Variants in VMO1 observed in about 807,000 individuals in gnomAD.
VMO1 encodes the protein vitelline membrane outer layer 1 homolog, also known as vitelline membrane outer layer protein 1 homolog.
In VMO1, 13 loss-of-function variants were observed where a neutral mutation model predicts 10.1. That is an observed-to-expected ratio of 1.29 (90% CI 0.84 to 2.05). The LOEUF (loss-of-function observed/expected upper bound fraction) is 2.05, where lower values mean the gene tolerates loss of function less well. Among genes scored for constraint, VMO1 ranks in the 30% most tolerant of loss-of-function variants. VMO1 has a pLI of 0.00. For synonymous variants in VMO1, 117 were observed against 122.2 expected (o/e 0.96, Z 0.28); for missense variants, 304 against 276.9 (o/e 1.10, Z -0.70).
Position 4,786,297 on chromosome 17 carries a change from G to T in VMO1, c.56C>A (p.Thr19Asn). 1 of 1,607,900 alleles carries T rather than the reference G, an allele frequency of 6.2e-7. No individual in the cohort carries two copies. The highest frequency in any genetic ancestry group is 8.5e-7 in the Non-Finnish European group (1 of 1,179,462). ...ATCTGTCTGTGCACATGTGAAACCA[G>T]TCGCCCGCAGAAGCAGCAGCAGCGG... ...LLPLLLLLRA[T>N]GFTCAQTDGR... The change falls in exon 1 of 3, where the codon ACT becomes AAT. Residue 19 changes from threonine (T) to asparagine (N), a missense_variant. Coordinates refer to ENST00000328739, the MANE Select transcript of VMO1 (RefSeq NM_182566.3).
intron 2 of VMO1, 101 bp from the exon 3 acceptor site, chr17:4,785,760 G>A: frequency 6.6e-7 from 1 of 1,509,960 alleles, no homozygotes; most frequent in Non-Finnish European, 8.9e-7. Context: ...TGGTGGGCTG[G>A]GTGCTCCCCG....
rs745668576 is a variant in VMO1, at chr17:4,785,640, G to A, written c.331C>T (p.Pro111Ser). 6.2e-7 allele frequency: 1 copy of A among 1,611,066 alleles called. No homozygotes were observed. Among genetic ancestry groups the A allele is most frequent in the Non-Finnish European group, 8.5e-7 (1 of 1,179,776 alleles). The stretch of plus-strand genomic sequence containing the variant: ...TAGGCGCCGCCGCGACACCACAGCG[G>A]CTCACTCCATTCGCCCCAGCTGCAA... Reference protein sequence around the residue: ...QSGSWGEWSEPLWCRGGAYLV... With the variant: ...QSGSWGEWSESLWCRGGAYLV... The change falls in exon 3 of 3, where the codon CCG becomes TCG. Residue 111 changes from proline (P) to serine (S), a missense_variant. Transcript: ENST00000328739.
intron 1 of VMO1, 35 bp from the exon 2 acceptor site, chr17:4,786,087 G>A (rs764022455): frequency 6.2e-6 from 10 of 1,613,790 alleles, no homozygotes; most frequent in Non-Finnish European, 6.8e-6. Context: ...GGCGAGTCAC[G>A]GAATTATCAT....
At position 4,786,269 on chromosome 17, in the gene VMO1, G is replaced by T. The variant is rs765941670; in HGVS notation, c.84C>A (p.Gly28=). Residue 28 remains glycine, a synonymous_variant, in exon 1 of 3, where the codon GGC becomes GGA. Transcript: ENST00000328739. ...ATGFTCAQTD[G]RNGYTAVIEV... ...CGATGACCGCCGTGTAGCCGTTCCGGCCATCTGTCTGTGCACATGTGAAAC... is the reference window on the plus strand; with the variant it reads ...CGATGACCGCCGTGTAGCCGTTCCGTCCATCTGTCTGTGCACATGTGAAAC... 3.3e-5 allele frequency: 53 copies of T among 1,611,620 alleles called. No homozygotes were observed. The highest frequency in any genetic ancestry group is 4.2e-5 in the Non-Finnish European group (49 of 1,179,594).
In VMO1 at chr17:4,785,574, G is replaced by C; in HGVS notation, c.397C>G (p.Leu133Val). The C allele has an allele frequency of 1.9e-6, 3 of 1,613,978 alleles. No individual in the cohort carries two copies. The highest frequency in any genetic ancestry group is 1.7e-6 in the Non-Finnish European group (2 of 1,180,030). Residue 133 changes from leucine to valine, a missense_variant, in exon 3 of 3, where the codon CTC becomes GTC. By Grantham distance (32) the Leu-to-Val change is conservative. Transcript: ENST00000328739. The part of the protein sequence containing the change: ...FSLRVEAPTT[L>V]GDNTAANNVR... The stretch of plus-strand genomic sequence containing the variant: ...TTGTTCGCTGCTGTGTTGTCACCGA[G>C]GGTCGTGGGTGCCTCCACGCGAAGC...
chr17:4,786,344 C>G lies in VMO1; in HGVS notation c.9G>C (p.Arg3=). 6.4e-7 allele frequency: 1 copy of G among 1,572,464 alleles called. No individual in the cohort carries two copies. Among genetic ancestry groups the G allele is most frequent in the Non-Finnish European group, 8.6e-7 (1 of 1,164,620 alleles). The part of the protein sequence containing the change: ME[R]GAGAKLLPLL... ...GCGGCAGCAGCTTGGCTCCTGCGCC[C>G]CGCTCCATCCTGTAGCGTCTGTGAA... Residue 3 remains arginine, a synonymous_variant, in exon 1 of 3, where the codon CGG becomes CGC. Transcript: ENST00000328739.
chr17:4,785,955 A>T lies in VMO1; in HGVS notation c.293T>A (p.Val98Glu). 6.2e-7 allele frequency: 1 copy of T among 1,614,030 alleles called. No individual in the cohort carries two copies. Residue 98 changes from valine to glutamate, a missense_variant, in exon 2 of 3, where the codon GTA (valine) becomes GAA (glutamate). Val to Glu is a moderately radical substitution (Grantham distance 121). Transcript: ENST00000328739. ...RGNVLGNTHV[V>E]ESQSGSWGEW... Reference sequence around the variant, plus strand: ...GCCCCACCTTCCAGACTGGGACTCTACCACGTGCGTATTGCCTAGGACGTT... The same window carrying T: ...GCCCCACCTTCCAGACTGGGACTCTTCCACGTGCGTATTGCCTAGGACGTT...
Position 4,786,023 on chromosome 17 carries a change from G to A in VMO1, c.225C>T (p.Asp75=), listed in dbSNP as rs1223760905. 4 of 1,614,204 alleles carry A rather than the reference G, an allele frequency of 2.5e-6. No homozygotes were observed. Among genetic ancestry groups the A allele is most frequent in the Non-Finnish European group, 3.4e-6 (4 of 1,180,032 alleles). Residue 75 remains aspartate (D), a synonymous_variant, in exon 2 of 3, where the codon GAC becomes GAT. Coordinates refer to ENST00000328739, the MANE Select transcript of VMO1 (RefSeq NM_182566.3). The part of the protein sequence containing the change: ...KVEPPQGIPG[D]DTALNGIRLH... ...GCCTGATCCCATTCAGTGCAGTGTC[G>A]TCGCCAGGAATGCCTTGGGGAGGCT...
rs775250592 is a variant in VMO1, at chr17:4,786,083, T to C, written c.196-31A>G. 4 of 1,613,770 alleles carry C rather than the reference T, an allele frequency of 2.5e-6. No homozygotes were observed. The East Asian group carries it at 6.7e-5, about 27-fold the overall frequency. On this transcript the variant is annotated intron_variant, in intron 1 of 2. Coordinates refer to ENST00000328739, the MANE Select transcript of VMO1 (RefSeq NM_182566.3). Reference sequence around the variant, plus strand: ...TATCGAGGAGAGGGGCAAGGGCGAGTCACGGAATTATCATCCTTGGCTCTA... The same window carrying C: ...TATCGAGGAGAGGGGCAAGGGCGAGCCACGGAATTATCATCCTTGGCTCTA...
At position 4,785,478 on chromosome 17, in the gene VMO1, A is replaced by C; in HGVS notation, c.493T>G (p.Trp165Gly). Residue 165 changes from tryptophan to glycine, a missense_variant, in exon 3 of 3, where the codon TGG (tryptophan) becomes GGG (glycine). Coordinates refer to ENST00000328739, the MANE Select transcript of VMO1 (RefSeq NM_182566.3). ...GCGCCCTTGGGGCAATGGTCACTCC[A>C]GTCTCCAAAGTCTCCCCAGCTCAGC... Reference protein sequence around the residue: ...PGLSWGDFGDWSDHCPKGACG... With the variant: ...PGLSWGDFGDGSDHCPKGACG... The C allele has an allele frequency of 1.2e-6, 2 of 1,614,210 alleles. No individual in the cohort carries two copies. The highest frequency in any genetic ancestry group is 1.7e-6 in the Non-Finnish European group (2 of 1,180,030).
Position 4,786,226 on chromosome 17 carries a change from G to A in VMO1, c.127C>T (p.Pro43Ser), listed in dbSNP as rs1285810087. ...TCAGGCCAGGCCCAGTCGCCCCAGG[G>A]ACCCCCGCTGGTCACTTCGATGACC... ...TAVIEVTSGG[P>S]WGDWAWPEMC... Residue 43 changes from proline to serine, a missense_variant, in exon 1 of 3, where the codon CCC becomes TCC. By Grantham distance (74) the Pro-to-Ser change is moderately conservative. Transcript: ENST00000328739. The A allele has an allele frequency of 3.1e-6, 5 of 1,612,056 alleles. No individual in the cohort carries two copies. The highest frequency in any genetic ancestry group is 4.2e-6 in the Non-Finnish European group (5 of 1,179,058).
At chr17:4,786,086 C>G in intron 1 of VMO1, 34 bp from the exon 2 acceptor site, 1 of 1,613,870 alleles carries the variant, frequency 6.2e-7, no homozygotes, top group East Asian at 2.2e-5. Context: ...GGGCGAGTCA[C>G]GGAATTATCA....
At position 4,786,192 on chromosome 17, in the gene VMO1, G is replaced by A. The variant is rs749890204; in HGVS notation, c.161C>T (p.Pro54Leu). Residue 54 changes from proline to leucine, a missense_variant, in exon 1 of 3, where the codon CCC becomes CTC. By Grantham distance (98) the Pro-to-Leu change is moderately conservative. Coordinates refer to ENST00000328739, the MANE Select transcript of VMO1 (RefSeq NM_182566.3). ...GAACCCGCTGGCGAAGAATCCATCG[G>A]GACACATCTCAGGCCAGGCCCAGTC... ...WGDWAWPEMC[P>L]DGFFASGFSL... The A allele has an allele frequency of 6.2e-7, 1 of 1,606,614 alleles. No homozygotes were observed.
chr17:4,785,695 C>A (rs1454159115), intron 2 of VMO1, 36 bp from the exon 3 acceptor site: 1 of 1,573,838 alleles, frequency 6.4e-7, no homozygotes, highest in Non-Finnish European at 8.6e-7. Context: ...CCTCTGCGGG[C>A]CCCCCATTCA....
intron 2 of VMO1, 22 bp from the exon 3 acceptor site, chr17:4,785,681 G>T: frequency 6.3e-7 from 1 of 1,594,120 alleles, no homozygotes; most frequent in African/African-American, 1.3e-5. Context: ...AGGGAGATGC[G>T]TTGCCTCTGC....
At position 4,785,351 on chromosome 17, in the gene VMO1, G is replaced by A; in HGVS notation, c.*11C>T. On this transcript the variant is annotated 3_prime_UTR_variant, in exon 3 of 3. Transcript: ENST00000328739. ...TCCTGGCCCGGGAGAGAGCGGCGGC[G>A]GCGGCGCCGTTCAACTGCGGCAGCA... 3 of 1,594,608 alleles carry A rather than the reference G, an allele frequency of 1.9e-6. 1 individual carries two copies. In the South Asian group the frequency reaches 3.3e-5, roughly 18 times the overall value.
chr17:4,785,786 C>T (rs1917461528), intron 2 of VMO1, 127 bp from the exon 3 acceptor site: 6 of 1,514,032 alleles, frequency 4.0e-6, no homozygotes, highest in Non-Finnish European at 5.3e-6. Context: ...CGCCGAGGAG[C>T]GGAGGAGGGG....
At chr17:4,786,086 C>A (rs760402403) in intron 1 of VMO1, 34 bp from the exon 2 acceptor site, 2 of 1,613,870 alleles carry the variant, frequency 1.2e-6, no homozygotes, top group Admixed American at 3.3e-5. Flanking sequence ...GGGCGAGTCA[C>A]GGAATTATCA....
chr17:4,786,284 A>C lies in VMO1; in HGVS notation c.69T>G (p.Cys23Trp). 1 of 1,609,674 alleles carries C rather than the reference A, an allele frequency of 6.2e-7. No individual in the cohort carries two copies. Among genetic ancestry groups the C allele is most frequent in the Non-Finnish European group, 8.5e-7 (1 of 1,179,478 alleles). Residue 23 changes from cysteine (C) to tryptophan (W), a missense_variant, in exon 1 of 3, where the codon TGT becomes TGG. Physicochemically the swap from Cys to Trp is radical, Grantham distance 215 (BLOSUM62 -2). Transcript: ENST00000328739. ...AGCCGTTCCGGCCATCTGTCTGTGC[A>C]CATGTGAAACCAGTCGCCCGCAGAA... ...LLLLRATGFTCAQTDGRNGYT... is the reference protein window; with the variant it reads ...LLLLRATGFTWAQTDGRNGYT...
Sources: allele counts gnomAD v4.1 joint callset, GRCh38; gene constraint gnomAD v4.1.1; transcripts MANE v1.5; gene names NCBI Gene and HGNC (gene_info 2026-07-23, HGNC 2026-07-21).